ASIP: variants seen among roughly 807,000 people sequenced by gnomAD.
The protein encoded by ASIP is agouti-signaling protein.
In ASIP, 11 loss-of-function variants were observed where a neutral mutation model predicts 10.3. The ratio of observed to expected loss-of-function variants is 1.07; its 90% CI spans 0.68 to 1.78. The LOEUF is 1.78. Among genes scored for constraint, ASIP ranks in the 40% most tolerant of loss-of-function variants. ASIP has a pLI of 0.00. For missense variants in ASIP, 180 were observed against 169.2 expected, an observed-to-expected ratio of 1.06 and a Z score of -0.35; for synonymous variants, 70 against 70.8, an observed-to-expected ratio of 0.99 and a Z score of 0.06.
intron 1 of ASIP, among the ~76,000 whole-genome samples, chr20:34,231,509 A>G (rs988446173): frequency 1.3e-5 from 2 of 152,268 alleles, no homozygotes; most frequent in Non-Finnish European, 1.5e-5. Context: ...AGCACAATCA[A>G]TAACAGAAAC....
At chr20:34,214,595 CCAGT>C in intron 1 of ASIP, 2 of 1,314,598 alleles carry the variant, frequency 1.5e-6, no homozygotes, top group Non-Finnish European at 1.1e-6. Context: ...CGAACAGAGG[CCAGT>C]AGTAACTCTC....
chr20:34,213,571 A>G, intron 1 of ASIP: 3 of 1,548,096 alleles, frequency 1.9e-6, no homozygotes, highest in Non-Finnish European at 2.6e-6. Flanking sequence ...CAGGGGCATG[A>G]ACATCTGTTG....
At chr20:34,264,321 T>C (rs1216474875) in intron 3 of ASIP, among the ~76,000 whole-genome samples, 1 of 152,230 alleles carries the variant, frequency 6.6e-6, no homozygotes, top group Non-Finnish European at 1.5e-5. Context: ...CATTGCGGCA[T>C]GCTCAGGTGT....
chr20:34,242,017 A>G (rs967097248), intron 1 of ASIP, among the ~76,000 whole-genome samples: 2 of 152,128 alleles, frequency 1.3e-5, no homozygotes, highest in African/African-American at 2.4e-5. Flanking sequence ...ATGGATATCC[A>G]TATTCACACA....
At chr20:34,201,343 C>T (rs1432486258) in intron 1 of ASIP, among the ~76,000 whole-genome samples, 3 of 152,084 alleles carry the variant, frequency 2.0e-5, no homozygotes, top group Non-Finnish European at 4.4e-5. Flanking sequence ...AAAGGTTAAA[C>T]CTGTTGGCAG....
intron 3 of ASIP, among the ~76,000 whole-genome samples, chr20:34,267,459 C>CAAAAAAA (rs953440256): frequency 5.0e-4 from 23 of 46,272 alleles, no homozygotes; most frequent in African/African-American, 7.3e-4. Flanking sequence ...AACTGGCTCT[C>CAAAAAAA]AAAAAAAAAA....
At chr20:34,217,125 C>G (rs1174910330) in intron 1 of ASIP, among the ~76,000 whole-genome samples, 1 of 152,040 alleles carries the variant, frequency 6.6e-6, no homozygotes, top group Non-Finnish European at 1.5e-5. Context: ...TAGAGTGGAG[C>G]CCTTCATGGT....
intron 1 of ASIP, among the ~76,000 whole-genome samples, chr20:34,202,825 T>C (rs952490297): frequency 4.7e-4 from 65 of 138,150 alleles, no homozygotes; most frequent in African/African-American, 1.3e-3. Flanking sequence ...TTTTTTTTTT[T>C]CGAGATGGAG....
At chr20:34,260,765 G>T (rs75666385) in intron 2 of ASIP, among the ~76,000 whole-genome samples, 40 of 152,376 alleles carry the variant, frequency 2.6e-4, no homozygotes, top group African/African-American at 9.4e-4. Flanking sequence ...TGAAAGGCCT[G>T]AAGTTAAGAC....
At chr20:34,236,249 C>T (rs2035208754) in intron 1 of ASIP, among the ~76,000 whole-genome samples, 1 of 152,046 alleles carries the variant, frequency 6.6e-6, no homozygotes, top group African/African-American at 2.4e-5. Flanking sequence ...ATTCAAGAAT[C>T]ATGGCCATGG....
chr20:34,219,997 G>A lies in ASIP; in HGVS notation c.-11+25237G>A, dbSNP rs1601576715. Among the ~76,000 whole-genome samples the A allele has an allele frequency of 3.3e-5, 5 of 152,306 alleles. 1 individual carries two copies. Reference sequence around the variant, plus strand: ...CCCAGCTACTAGGGAGGCTGAGGCAGGAGAATGGCATGAACCCGGGAAGCG... The same window carrying A: ...CCCAGCTACTAGGGAGGCTGAGGCAAGAGAATGGCATGAACCCGGGAAGCG... On this transcript the variant is annotated intron_variant, in intron 1 of 3. Transcript: ENST00000568305.
chr20:34,241,353 G>A, upstream of ASIP: 1 of 718,404 alleles, frequency 1.4e-6, no homozygotes, highest in Non-Finnish European at 1.7e-6. Context: ...ATGTGGTGAA[G>A]TTTGAAATAA....
intron 1 of ASIP, among the ~76,000 whole-genome samples, chr20:34,203,009 C>T (rs544920251): frequency 1.4e-4 from 22 of 152,026 alleles, no homozygotes; most frequent in African/African-American, 4.6e-4. Flanking sequence ...GGGGTTTCAC[C>T]GCGTTAGCCA....
intron 1 of ASIP, among the ~76,000 whole-genome samples, chr20:34,231,578 T>C (rs2035122240): frequency 6.6e-6 from 1 of 152,210 alleles, no homozygotes. Flanking sequence ...TTAAGAACAA[T>C]GAAAATTCAA....
In ASIP at chr20:34,267,459, CAAAAAAAA is replaced by C. The variant is rs953440256; in HGVS notation, c.223-1515_223-1508del. 1.3e-3 allele frequency among the ~76,000 whole-genome samples: 58 copies of C among 46,280 alleles called. 1 individual carries two copies. The highest frequency in any genetic ancestry group is 0.029 in the Middle Eastern group (2 of 70). 30.4% of individuals were successfully genotyped at this position (46,280 alleles called of 152,430 possible). Reference sequence around the variant, plus strand: ...GGGCGACAAGAGTGAAACTGGCTCTCAAAAAAAAAAAAAAAAAAAAAAAAGAACTGTGA... The same window carrying C: ...GGGCGACAAGAGTGAAACTGGCTCTCAAAAAAAAAAAAAAAAGAACTGTGA... On this transcript the variant is annotated intron_variant, in intron 3 of 3. Coordinates refer to ENST00000374954, the MANE Select transcript of ASIP (RefSeq NM_001672.3).
chr20:34,257,050 TTCTC>T (rs1451737892), intron 1 of ASIP, among the ~76,000 whole-genome samples: 16 of 146,252 alleles, frequency 1.1e-4, no homozygotes, highest in East Asian at 6.2e-4. Flanking sequence ...TTTTCTTTCT[TTCTC>T]TCTCTCTTTC....
upstream of ASIP, among the ~76,000 whole-genome samples, chr20:34,191,684 C>CCCTTCCTTCCCTCCCTCTTTCTTT (rs2034825029): frequency 9.9e-5 from 15 of 151,362 alleles, no homozygotes; most frequent in African/African-American, 3.4e-4. Flanking sequence ...TTCCTTCCCT[C>CCCTTCCTTCCCTCCCTCTTTCTTT]CCTTCCTTCC....
intron 1 of ASIP, among the ~76,000 whole-genome samples, chr20:34,253,391 C>T (rs1420348850): frequency 2.0e-5 from 3 of 151,580 alleles, no homozygotes; most frequent in Non-Finnish European, 2.9e-5. Flanking sequence ...CGGGCGTGAG[C>T]CACCGCGCCC....
At chr20:34,226,921 C>T (rs1376476651) in intron 1 of ASIP, among the ~76,000 whole-genome samples, 1 of 152,084 alleles carries the variant, frequency 6.6e-6, no homozygotes, top group East Asian at 1.9e-4. Flanking sequence ...ATGTTTTCTT[C>T]TACAATAAGG....
Sources: gnomAD v4.1 joint callset for allele counts (sites outside exome capture counted in the v4.1 genomes callset) on GRCh38, gnomAD v4.1.1 for gene constraint, MANE v1.5 for transcripts, NCBI Gene and HGNC (gene_info 2026-07-23, HGNC 2026-07-21) for gene names.